AJAP1: variants seen among roughly 807,000 people sequenced by gnomAD.
AJAP1 encodes the protein adherens junction-associated protein 1.
AJAP1 carries 5 observed loss-of-function variants against 35.0 expected under a neutral mutation model. The observed-to-expected ratio is 0.14, with a 90% CI of 0.07 to 0.30. The LOEUF is 0.30. AJAP1 is among the 10% of genes least tolerant of loss of function. AJAP1 has a pLI of 1.00. For missense variants in AJAP1, 586 were observed against 571.0 expected (o/e 1.03, Z -0.27); for synonymous variants, 284 against 249.3 (o/e 1.14, Z -1.31).
intron 1 of AJAP1, among the ~76,000 whole-genome samples, chr1:4,685,545 C>G (rs997686283): frequency 1.3e-5 from 2 of 152,310 alleles, no homozygotes; most frequent in Non-Finnish European, 1.5e-5. Flanking sequence ...TTTGCTGGAG[C>G]CTGGCAGGAG....
chr1:4,697,630 A>T (rs1364126093), intron 1 of AJAP1, among the ~76,000 whole-genome samples: 1 of 152,190 alleles, frequency 6.6e-6, no homozygotes, highest in African/African-American at 2.4e-5. Flanking sequence ...ATGTGGTGGC[A>T]CCTACTAGCT....
chr1:4,755,082 G>A (rs1183772639), intron 2 of AJAP1, among the ~76,000 whole-genome samples: 1 of 152,114 alleles, frequency 6.6e-6, no homozygotes, highest in Non-Finnish European at 1.5e-5. Context: ...TGGAGCCGTG[G>A]TTGGGTGGCA....
intron 2 of AJAP1, among the ~76,000 whole-genome samples, chr1:4,728,320 T>C (rs1282611650): frequency 1.3e-5 from 2 of 151,954 alleles, no homozygotes; most frequent in East Asian, 3.9e-4. Context: ...GCCCTTCCGA[T>C]GGCATGCTGG....
At position 4,756,706 on chromosome 1, in the gene AJAP1, T is replaced by C. The variant is rs1248002257; in HGVS notation, c.830-13147T>C. On this transcript the variant is annotated intron_variant, in intron 2 of 5. Transcript: ENST00000378191. ...GAGTGCAGATGCCAAATTTGTGAGATGCTGGGTTAAGCAAACCTTCTGAAA... is the reference window on the plus strand; with the variant it reads ...GAGTGCAGATGCCAAATTTGTGAGACGCTGGGTTAAGCAAACCTTCTGAAA... 5.3e-5 allele frequency among the ~76,000 whole-genome samples: 8 copies of C among 152,198 alleles called. No homozygotes were observed. The East Asian group carries it at 7.7e-4, about 15-fold the overall frequency.
At chr1:4,775,439 G>A (rs1641922459) in intron 5 of AJAP1, among the ~76,000 whole-genome samples, 1 of 152,170 alleles carries the variant, frequency 6.6e-6, no homozygotes, top group South Asian at 2.1e-4. Flanking sequence ...CGTATTTCTA[G>A]GATAGAATAC....
chr1:4,707,833 C>T (rs922691418), intron 1 of AJAP1, among the ~76,000 whole-genome samples: 22 of 151,974 alleles, frequency 1.4e-4, no homozygotes, highest in Admixed American at 3.9e-4. Context: ...CTGTTTTGCC[C>T]AGAGGCATTC....
chr1:4,710,008 G>A (rs992700991), intron 1 of AJAP1, among the ~76,000 whole-genome samples: 5 of 152,030 alleles, frequency 3.3e-5, no homozygotes, highest in African/African-American at 4.8e-5. Flanking sequence ...CCAGGGATGC[G>A]TTCACACACA....
chr1:4,661,732 C>T (rs982634275), intron 1 of AJAP1, among the ~76,000 whole-genome samples: 7 of 152,180 alleles, frequency 4.6e-5, no homozygotes, highest in South Asian at 2.1e-4. Context: ...TGGATTTAGC[C>T]GTGTGTTCAG....
chr1:4,781,463 G>T (rs996452384), intron 5 of AJAP1, among the ~76,000 whole-genome samples: 2 of 152,210 alleles, frequency 1.3e-5, no homozygotes, highest in African/African-American at 4.8e-5. Flanking sequence ...TGACGGAGCC[G>T]GTCTGGCCGC....
chr1:4,778,571 A>ATCTCTC (rs141390632), intron 5 of AJAP1, among the ~76,000 whole-genome samples: 2,871 of 142,786 alleles, frequency 0.02, 37 homozygotes, highest in Middle Eastern at 0.057. Flanking sequence ...GATTGGCGCC[A>ATCTCTC]TCTCTCTCTC....
Position 4,782,877 on chromosome 1 carries a change from A to G in AJAP1, c.*392A>G. On this transcript the variant is annotated 3_prime_UTR_variant, in exon 6 of 6. Transcript: ENST00000378191. This position sits in a 1 kb window ranked among gnomAD's most constrained non-coding sequence, Gnocchi z 5.3. ...CGTCCTACGATTCTGAACCTGTGCC[A>G]ATAATACCATTATGTGCCATGTACT... 1 of 398,628 alleles carries G rather than the reference A, an allele frequency of 2.5e-6. No homozygotes were observed. The highest frequency in any genetic ancestry group is 3.6e-5 in the East Asian group (1 of 28,070). 24.7% of individuals were successfully genotyped at this position (398,628 alleles called of 1,614,324 possible). A position where few individuals can be genotyped will look rare whatever the true frequency, so the allele number is the denominator to read the frequency against.
At chr1:4,767,309 C>T (rs1199197732) in intron 2 of AJAP1, among the ~76,000 whole-genome samples, 2 of 151,800 alleles carry the variant, frequency 1.3e-5, no homozygotes, top group African/African-American at 4.8e-5. Context: ...GTCACTATCA[C>T]CGTCATCACC....
At chr1:4,740,317 T>G in intron 2 of AJAP1, among the ~76,000 whole-genome samples, 1 of 7,166 alleles carries the variant, frequency 1.4e-4, no homozygotes, top group African/African-American at 6.1e-4. Flanking sequence ...AGTCACCAAA[T>G]GCATAGAGAC....
At chr1:4,746,278 A>G (rs75263138) in intron 2 of AJAP1, among the ~76,000 whole-genome samples, 29,941 of 151,914 alleles carry the variant, frequency 0.2, 3,345 homozygotes, top group Admixed American at 0.31. Flanking sequence ...TCCTTTCCTT[A>G]TAAGGACACT....
intron 3 of AJAP1, among the ~76,000 whole-genome samples, chr1:4,770,871 C>G (rs1641819089): frequency 1.3e-5 from 2 of 152,148 alleles, no homozygotes; most frequent in African/African-American, 2.4e-5. Context: ...AGCGAGGCCT[C>G]AAAGCCACCT....
chr1:4,738,292 A>G (rs955846690), intron 2 of AJAP1, among the ~76,000 whole-genome samples: 7 of 152,234 alleles, frequency 4.6e-5, no homozygotes, highest in Non-Finnish European at 1.0e-4. Context: ...AATTCACTCA[A>G]ATAAATGCGT....
At chr1:4,718,130 G>A (rs1003846131) in intron 2 of AJAP1, among the ~76,000 whole-genome samples, 2 of 152,078 alleles carry the variant, frequency 1.3e-5, no homozygotes, top group East Asian at 3.9e-4. Flanking sequence ...CCTGAGTGCC[G>A]TGGTTCTGGG....
intron 1 of AJAP1, among the ~76,000 whole-genome samples, chr1:4,702,334 T>C (rs1640006994): frequency 6.6e-6 from 1 of 152,188 alleles, no homozygotes; most frequent in Non-Finnish European, 1.5e-5. Context: ...CCACTCCATT[T>C]TGGGGTCTCA....
rs534970204 is a variant in AJAP1, at chr1:4,691,135, C to T, written c.30-20765C>T. ...GCCGTGAGCTCACTGTGCTTATGGT[C>T]GTGACTAAGCTGGGACCAGAAGCCA... On this transcript the variant is annotated intron_variant, in intron 1 of 5. Transcript: ENST00000378191. 9.2e-5 allele frequency among the ~76,000 whole-genome samples: 14 copies of T among 152,300 alleles called. No homozygotes were observed. In the South Asian group the frequency reaches 1.0e-3, roughly 11 times the overall value.
Sources: gnomAD v4.1 joint callset for allele counts (sites outside exome capture counted in the v4.1 genomes callset) on GRCh38, gnomAD v4.1.1 for gene constraint, Gnocchi (gnomAD v3.1) non-coding constraint, MANE v1.5 for transcripts, NCBI Gene and HGNC (gene_info 2026-07-23, HGNC 2026-07-21) for gene names.